The following XPO7 variants were observed in gnomAD, a reference collection of about 807,000 sequenced individuals.
XPO7 encodes the protein exportin 7.
Under a neutral mutation model 144.3 loss-of-function variants are expected in XPO7, and 21 were observed. That is an observed-to-expected ratio of 0.15 (90% CI 0.10 to 0.21). XPO7 has a LOEUF of 0.21. Among genes scored for constraint, XPO7 ranks in the 10% least tolerant of loss-of-function variants. The pLI is 1.00. For missense variants in XPO7, 808 were observed against 1,325.8 expected, an observed-to-expected ratio of 0.61 and a Z score of 6.06; for synonymous variants, 580 against 499.6, an observed-to-expected ratio of 1.16 and a Z score of -2.15.
chr8:21,931,055 G>T (rs1810629800), intron 1 of XPO7, among the ~76,000 whole-genome samples: 1 of 151,990 alleles, frequency 6.6e-6, no homozygotes, highest in Non-Finnish European at 1.5e-5. Flanking sequence ...TGTTGGCCAG[G>T]CTAGTCTTGA....
At chr8:21,983,865 C>T (rs1215043077) in intron 11 of XPO7, among the ~76,000 whole-genome samples, 1 of 152,190 alleles carries the variant, frequency 6.6e-6, no homozygotes, top group Non-Finnish European at 1.5e-5. Flanking sequence ...CCTGCTGCTG[C>T]TGCTGCTGCC....
At chr8:21,947,281 C>G (rs1275628989) in intron 1 of XPO7, among the ~76,000 whole-genome samples, 1 of 152,132 alleles carries the variant, frequency 6.6e-6, no homozygotes, top group Non-Finnish European at 1.5e-5. Flanking sequence ...ATAAGATACA[C>G]TGCCTAATTT....
At chr8:21,951,866 G>T (rs193007685) in intron 1 of XPO7, among the ~76,000 whole-genome samples, 4 of 152,246 alleles carry the variant, frequency 2.6e-5, no homozygotes, top group African/African-American at 7.2e-5. Context: ...TACAGCTGTC[G>T]ATCCTAATGC....
intron 7 of XPO7, 89 bp from the exon 8 acceptor site, chr8:21,977,681 A>T: frequency 3.4e-6 from 4 of 1,190,288 alleles, no homozygotes; most frequent in Non-Finnish European, 4.9e-6. Flanking sequence ...AGGCAGAAGG[A>T]TGTGCTCCCT....
Position 21,987,281 on chromosome 8 carries a change from C to T in XPO7, c.1713+5C>T. The T allele has an allele frequency of 6.2e-7, 1 of 1,613,970 alleles. No homozygotes were observed. The highest frequency in any genetic ancestry group is 8.5e-7 in the Non-Finnish European group (1 of 1,179,852). On this transcript the variant is annotated splice_donor_5th_base_variant and intron_variant, in intron 14 of 27. Transcript: ENST00000252512. ...CAAGTGCAGAAATCCTCTAAGGTAA[C>T]AGCCTCTCAATTGGCTCCCCTTAGT...
chr8:21,959,226 C>G (rs529379161), intron 1 of XPO7, among the ~76,000 whole-genome samples: 1 of 152,230 alleles, frequency 6.6e-6, no homozygotes, highest in South Asian at 2.1e-4. Context: ...ATTTATAATC[C>G]CCTTAGAAGA....
chr8:21,931,222 G>A (rs1810637871), intron 1 of XPO7, among the ~76,000 whole-genome samples: 1 of 150,830 alleles, frequency 6.6e-6, no homozygotes, highest in African/African-American at 2.4e-5. Flanking sequence ...GAGTGCAATG[G>A]CGCAGTCTTG....
intron 1 of XPO7, among the ~76,000 whole-genome samples, chr8:21,920,956 C>T (rs1810262267): frequency 6.6e-6 from 1 of 152,034 alleles, no homozygotes; most frequent in South Asian, 2.1e-4. Flanking sequence ...AGAGAAGGGA[C>T]TAAATAAAAG....
chr8:22,002,957 C>G (rs1263757097), intron 25 of XPO7: 1 of 283,006 alleles, frequency 3.5e-6, no homozygotes, highest in Non-Finnish European at 6.7e-6. Flanking sequence ...ATCCCATTCC[C>G]CACAACTCAG....
rs1315603442 is a variant in XPO7 at position 21,999,168 on chromosome 8, T to C, written c.2506T>C (p.Phe836Leu). 6.2e-7 allele frequency: 1 copy of C among 1,613,924 alleles called. No individual in the cohort carries two copies. ...ALKLKGISIC[F>L]SMLKAALSGS... ...GAAGCTCAAGGGCATCTCCATCTGC[T>C]TCTCCATGCTGAAGGCTGCTCTCAG... The change falls in exon 23 of 28, where the codon TTC (phenylalanine) becomes CTC (leucine). Residue 836 changes from phenylalanine to leucine, a missense_variant. By Grantham distance (22) the Phe-to-Leu change is conservative. Around this residue, in one of 5 missense-constraint regions of XPO7, gnomAD observed 416 missense variants for 612.5 expected, o/e 0.68. Coordinates refer to ENST00000252512, the MANE Select transcript of XPO7 (RefSeq NM_015024.5).
rs550492456 is a variant in XPO7 at position 21,984,901 on chromosome 8, G to A, written c.1471+62G>A. ...AGGAGATGTTGTCTAGTACCCCTTC[G>A]CTCATTGCCACCTCTTTCCTACCTC... On this transcript the variant is annotated intron_variant, in intron 12 of 27. Coordinates refer to ENST00000252512, the MANE Select transcript of XPO7 (RefSeq NM_015024.5). 1.8e-5 allele frequency: 28 copies of A among 1,544,048 alleles called. No homozygotes were observed. The South Asian group carries it at 2.0e-4, about 11-fold the overall frequency.
chr8:21,971,754 G>A, intron 4 of XPO7, 122 bp from the exon 5 acceptor site: 1 of 645,046 alleles, frequency 1.6e-6, no homozygotes, highest in Admixed American at 2.8e-5. Flanking sequence ...ATTCCTTGCT[G>A]CCTTGTCTAG....
intron 25 of XPO7, 167 bp from the exon 26 acceptor site, chr8:22,003,052 T>G (rs1435118133): frequency 2.2e-6 from 1 of 464,800 alleles, no homozygotes; most frequent in Non-Finnish European, 3.8e-6. Context: ...GAAGAAAAGG[T>G]AACCTTGAAA....
At chr8:21,987,548 T>C (rs150500901) in intron 14 of XPO7, among the ~76,000 whole-genome samples, 3 of 152,340 alleles carry the variant, frequency 2.0e-5, no homozygotes, top group African/African-American at 4.8e-5. Flanking sequence ...TGAATTAATA[T>C]TCAGAACAGA....
intron 10 of XPO7, 41 bp downstream of exon 10, chr8:21,981,918 G>A (rs1812421350): frequency 6.2e-7 from 1 of 1,604,644 alleles, no homozygotes. Flanking sequence ...CTAAATACTG[G>A]AATCTCTTGC....
rs923734838 is a variant in XPO7 at position 21,999,025 on chromosome 8, A to T, written c.2429-66A>T. On this transcript the variant is annotated intron_variant, in intron 22 of 27. Coordinates refer to ENST00000252512, the MANE Select transcript of XPO7 (RefSeq NM_015024.5). ...ACTGGAATTTGTATGCCTTTGGAGT[A>T]GGAAGGCTGATCTAAACGAGCGCTT... 22 of 1,582,740 alleles carry T rather than the reference A, an allele frequency of 1.4e-5. No individual in the cohort carries two copies. In the African/African-American group the frequency reaches 2.2e-4, roughly 16 times the overall value.
chr8:21,972,181 T>C (rs1416366275), intron 5 of XPO7, among the ~76,000 whole-genome samples: 1 of 152,160 alleles, frequency 6.6e-6, no homozygotes, highest in Non-Finnish European at 1.5e-5. Context: ...CTTAGCTTTT[T>C]TTTTTTTATT....
intron 5 of XPO7, among the ~76,000 whole-genome samples, chr8:21,973,103 T>A (rs1812119420): frequency 6.6e-6 from 1 of 152,238 alleles, no homozygotes; most frequent in Non-Finnish European, 1.5e-5. Flanking sequence ...ATCATTTGCC[T>A]AAGGTTTCAC....
At chr8:22,004,052 T>C (rs1301777677) in intron 27 of XPO7, 22 bp downstream of exon 27, 6 of 1,612,086 alleles carry the variant, frequency 3.7e-6, no homozygotes, top group Non-Finnish European at 5.1e-6. Context: ...GCGTCCTGCC[T>C]AGAAATCTCA....
Sources: gnomAD v4.1 joint callset for allele counts (sites outside exome capture counted in the v4.1 genomes callset) on GRCh38, gnomAD v4.1.1 for gene constraint, gnomAD v4.1.1 regional missense constraint, MANE v1.5 for transcripts, NCBI Gene and HGNC (gene_info 2026-07-23, HGNC 2026-07-21) for gene names.